The following ZNF385D variants were observed in gnomAD, a reference collection of about 807,000 sequenced individuals.
ZNF385D encodes zinc finger protein 659.
In ZNF385D, 15 loss-of-function variants were observed where a neutral mutation model predicts 35.8. That is an observed-to-expected ratio of 0.42 (90% CI 0.28 to 0.64). The LOEUF (loss-of-function observed/expected upper bound fraction) is 0.64. ZNF385D is among the 30% of genes least tolerant of loss of function. The pLI is 0.23. For missense variants in ZNF385D, 474 were observed against 494.6 expected (o/e 0.96, Z 0.39); for synonymous variants, 212 against 186.8 (o/e 1.13, Z -1.10).
chr3:21,906,381 G>A (rs963685845), intron 3 of ZNF385D, among the ~76,000 whole-genome samples: 1 of 152,130 alleles, frequency 6.6e-6, no homozygotes, highest in Non-Finnish European at 1.5e-5. Context: ...AAATGGACCT[G>A]TATTTTGGAT....
chr3:22,029,626 C>G (rs1192445159), intron 3 of ZNF385D, among the ~76,000 whole-genome samples: 1 of 152,190 alleles, frequency 6.6e-6, no homozygotes, highest in Non-Finnish European at 1.5e-5. Context: ...TACACTTGTA[C>G]TAAGAAAATG....
chr3:21,662,590 G>C (rs1575417865), intron 2 of ZNF385D, among the ~76,000 whole-genome samples: 1 of 152,270 alleles, frequency 6.6e-6, no homozygotes, highest in African/African-American at 2.4e-5. Context: ...TGAGTCAAAA[G>C]CTACCTGATT....
intron 3 of ZNF385D, among the ~76,000 whole-genome samples, chr3:22,158,113 C>A (rs1471999688): frequency 6.6e-6 from 1 of 152,102 alleles, no homozygotes; most frequent in African/African-American, 2.4e-5. Flanking sequence ...CCTCTCCTAT[C>A]CTTGATCTCA....
chr3:22,126,729 C>A (rs894417578), intron 3 of ZNF385D, among the ~76,000 whole-genome samples: 1 of 152,054 alleles, frequency 6.6e-6, no homozygotes, highest in African/African-American at 2.4e-5. Flanking sequence ...GTTATAATAT[C>A]TCTTTGTTGA....
intron 3 of ZNF385D, among the ~76,000 whole-genome samples, chr3:22,110,195 G>A (rs1365154702): frequency 1.3e-5 from 2 of 152,108 alleles, no homozygotes; most frequent in African/African-American, 2.4e-5. Flanking sequence ...TGGTGGGACT[G>A]TAAACTAGTT....
At chr3:22,229,293 G>C (rs1698743269) in intron 2 of ZNF385D, among the ~76,000 whole-genome samples, 1 of 152,154 alleles carries the variant, frequency 6.6e-6, no homozygotes, top group African/African-American at 2.4e-5. Context: ...CCACTTATTT[G>C]TGAGAGGTCC....
intron 3 of ZNF385D, among the ~76,000 whole-genome samples, chr3:21,977,886 A>T (rs535372158): frequency 1.1e-4 from 16 of 152,198 alleles, no homozygotes; most frequent in African/African-American, 3.6e-4. Context: ...AGCTCTGTAC[A>T]TCTTTGGAGA....
chr3:21,585,217 A>T (rs543271309), intron 2 of ZNF385D, among the ~76,000 whole-genome samples: 2 of 152,186 alleles, frequency 1.3e-5, no homozygotes, highest in Non-Finnish European at 2.9e-5. Flanking sequence ...GACCATAAAA[A>T]ACTATTCCAT....
At chr3:21,726,188 A>G (rs1368505446) in intron 1 of ZNF385D, among the ~76,000 whole-genome samples, 1 of 152,224 alleles carries the variant, frequency 6.6e-6, no homozygotes, top group Non-Finnish European at 1.5e-5. Context: ...CAAAATAATA[A>G]GAGCTATTTA....
intron 3 of ZNF385D, among the ~76,000 whole-genome samples, chr3:21,956,970 G>A (rs4478097): frequency 1.3e-5 from 2 of 151,652 alleles, no homozygotes; most frequent in African/African-American, 4.8e-5. Context: ...CCAGAATTCC[G>A]ACGTGTTGTG....
chr3:21,738,460 G>T (rs1441353124), intron 1 of ZNF385D, among the ~76,000 whole-genome samples: 1 of 152,184 alleles, frequency 6.6e-6, no homozygotes, highest in Non-Finnish European at 1.5e-5. Context: ...AAAAGTGGCT[G>T]TCAGGGACTA....
intron 3 of ZNF385D, among the ~76,000 whole-genome samples, chr3:22,065,110 A>G (rs536314698): frequency 1.1e-4 from 17 of 152,328 alleles, no homozygotes; most frequent in African/African-American, 3.8e-4. Context: ...TTTTAAATAG[A>G]AACATAAACA....
chr3:22,193,383 TC>T (rs1419600642), intron 2 of ZNF385D, among the ~76,000 whole-genome samples: 2 of 148,770 alleles, frequency 1.3e-5, no homozygotes, highest in South Asian at 2.1e-4. Context: ...TTGAAATAGA[TC>T]AAAAAAATTA....
At chr3:21,750,483 C>G (rs73822048) in intron 1 of ZNF385D, among the ~76,000 whole-genome samples, 1 of 152,036 alleles carries the variant, frequency 6.6e-6, no homozygotes, top group Non-Finnish European at 1.5e-5. Context: ...CCAGCAAATA[C>G]TGAATGAAAT....
chr3:21,595,607 GGATT>G (rs1254773621), intron 2 of ZNF385D, among the ~76,000 whole-genome samples: 1 of 151,922 alleles, frequency 6.6e-6, no homozygotes, highest in East Asian at 1.9e-4. Flanking sequence ...AAATTGGAAT[GGATT>G]GATACTTAGT....
intron 3 of ZNF385D, among the ~76,000 whole-genome samples, chr3:22,056,388 A>G (rs1038654392): frequency 1.3e-5 from 2 of 151,484 alleles, no homozygotes; most frequent in African/African-American, 2.4e-5. Context: ...GGGGCTGTCT[A>G]TTACAGACCA....
chr3:21,599,026 G>A (rs184361605), intron 2 of ZNF385D, among the ~76,000 whole-genome samples: 13 of 152,284 alleles, frequency 8.5e-5, no homozygotes, highest in Non-Finnish European at 1.5e-4. Context: ...CACTAAAACA[G>A]TAGTGACTTC....
intron 2 of ZNF385D, among the ~76,000 whole-genome samples, chr3:21,621,107 A>C (rs567231870): frequency 1.6e-4 from 24 of 152,234 alleles, no homozygotes; most frequent in African/African-American, 5.8e-4. Flanking sequence ...CAATGATGTT[A>C]ATAGGGAGGC....
At chr3:22,266,688 T>C (rs1375244943) in intron 2 of ZNF385D, among the ~76,000 whole-genome samples, 1 of 151,940 alleles carries the variant, frequency 6.6e-6, no homozygotes, top group Admixed American at 6.6e-5. Flanking sequence ...AAGGTATTCT[T>C]TTCACAGCTT....
Sources: gnomAD v4.1 joint callset for allele counts (sites outside exome capture counted in the v4.1 genomes callset) on GRCh38, gnomAD v4.1.1 for gene constraint, MANE v1.5 for transcripts, NCBI Gene and HGNC (gene_info 2026-07-23, HGNC 2026-07-21) for gene names.